The following PTPDC1 variants were observed in gnomAD, a reference collection of about 807,000 sequenced individuals.
PTPDC1 encodes protein tyrosine phosphatase domain containing 1.
In PTPDC1, 53 loss-of-function variants were observed where a neutral mutation model predicts 75.3. The observed-to-expected ratio is 0.70, with a 90% CI of 0.56 to 0.88. The LOEUF is 0.88. Among genes scored for constraint, PTPDC1 ranks in the 40% least tolerant of loss-of-function variants. The pLI, the probability that PTPDC1 is intolerant of heterozygous loss-of-function variation, is 0.00. For synonymous variants in PTPDC1, 349 were observed against 366.2 expected (o/e 0.95, Z 0.54); for missense variants, 925 against 998.6 (o/e 0.93, Z 0.99).
chr9:94,064,557 C>A (rs1826238708), intron 1 of PTPDC1, among the ~76,000 whole-genome samples: 1 of 152,136 alleles, frequency 6.6e-6, no homozygotes, highest in Non-Finnish European at 1.5e-5. Context: ...AAATTTTCAG[C>A]ATCTTGTGTG....
intron 1 of PTPDC1, among the ~76,000 whole-genome samples, chr9:94,063,689 CAAAG>C (rs767349169): frequency 4.6e-5 from 7 of 152,062 alleles, no homozygotes; most frequent in Admixed American, 4.6e-4. Flanking sequence ...TTGAAATTCT[CAAAG>C]AATCACTGAG....
At chr9:94,080,885 A>G (rs1470582710), upstream of PTPDC1, among the ~76,000 whole-genome samples, 1 of 152,156 alleles carries the variant, frequency 6.6e-6, no homozygotes, top group Non-Finnish European at 1.5e-5. Context: ...ATTTTCAAGA[A>G]TATCTTTGTG....
At chr9:94,089,723 C>T (rs1827224664) in intron 4 of PTPDC1, among the ~76,000 whole-genome samples, 5 of 85,090 alleles carry the variant, frequency 5.9e-5, no homozygotes, top group Non-Finnish European at 1.1e-4. Context: ...TATTTCTCCA[C>T]ATCCTCTCCA....
rs143897089 is a variant in PTPDC1, at chr9:94,036,685, T to G, written c.-7+5558T>G. Among the ~76,000 whole-genome samples, 348 of 152,298 alleles carry G rather than the reference T, an allele frequency of 2.3e-3. 2 individuals are homozygous for G. The highest frequency in any genetic ancestry group is 8.0e-3 in the African/African-American group (332 of 41,560). ...TACTTCCTCTCTGTTCTATGTGGGA[T>G]GAGTAAGTATCAATCTCTGGATTAG... On this transcript the variant is annotated intron_variant, in intron 1 of 9. Coordinates refer to the PTPDC1 transcript ENST00000375360.
intron 4 of PTPDC1, among the ~76,000 whole-genome samples, chr9:94,090,314 C>T (rs1227395185): frequency 2.4e-5 from 3 of 122,614 alleles, no homozygotes; most frequent in African/African-American, 9.9e-5. Context: ...CCAGTTTTCC[C>T]ACCACCATTT....
chr9:94,058,564 G>A (rs1337410717), intron 1 of PTPDC1, among the ~76,000 whole-genome samples: 6 of 150,968 alleles, frequency 4.0e-5, no homozygotes, highest in Admixed American at 2.0e-4. Flanking sequence ...AAAATTAACC[G>A]GGTGTAGTGG....
At chr9:94,095,248 T>G in intron 4 of PTPDC1, 69 bp from the exon 5 acceptor site, 1 of 979,154 alleles carries the variant, frequency 1.0e-6, no homozygotes, top group Non-Finnish European at 1.4e-6. Flanking sequence ...TCTGTGTACT[T>G]TTCATTAGTG....
intron 4 of PTPDC1, among the ~76,000 whole-genome samples, chr9:94,090,963 G>T (rs1827292903): frequency 6.6e-6 from 1 of 152,172 alleles, no homozygotes; most frequent in African/African-American, 2.4e-5. Context: ...TTGCCTGTCA[G>T]CTTAAGGAGA....
intron 1 of PTPDC1, among the ~76,000 whole-genome samples, chr9:94,053,004 T>A (rs1205637445): frequency 6.6e-6 from 1 of 152,228 alleles, no homozygotes; most frequent in Non-Finnish European, 1.5e-5. Context: ...ACCAGCTTCA[T>A]CTATAGTTAA....
chr9:94,082,166 C>G (rs1054252917), upstream of PTPDC1, among the ~76,000 whole-genome samples: 1 of 152,218 alleles, frequency 6.6e-6, no homozygotes, highest in Non-Finnish European at 1.5e-5. Flanking sequence ...ATAGTCAGTT[C>G]CCTTGTGAAA....
At chr9:94,046,078 C>G (rs566750934) in intron 1 of PTPDC1, among the ~76,000 whole-genome samples, 5,947 of 152,184 alleles carry the variant, frequency 0.039, 372 homozygotes, top group African/African-American at 0.13. Flanking sequence ...GCCAGTTTTC[C>G]CAGCACCATT....
intron 1 of PTPDC1, among the ~76,000 whole-genome samples, chr9:94,055,578 G>A (rs1825907975): frequency 6.6e-6 from 1 of 152,188 alleles, no homozygotes; most frequent in African/African-American, 2.4e-5. Context: ...ACATTGTCCA[G>A]TGAAAGAAAT....
chr9:94,040,946 C>T (rs1166406168), intron 1 of PTPDC1, among the ~76,000 whole-genome samples: 1 of 152,146 alleles, frequency 6.6e-6, no homozygotes, highest in Non-Finnish European at 1.5e-5. Context: ...TATCAGTGGC[C>T]TACCTGAACA....
At chr9:94,096,703 A>G (rs1827582508) in intron 5 of PTPDC1, among the ~76,000 whole-genome samples, 1 of 152,184 alleles carries the variant, frequency 6.6e-6, no homozygotes. Flanking sequence ...GAATTATATC[A>G]TGGTCTGAAG....
At chr9:94,089,223 TC>T (rs1373092819) in intron 4 of PTPDC1, among the ~76,000 whole-genome samples, 4 of 103,076 alleles carry the variant, frequency 3.9e-5, no homozygotes, top group African/African-American at 1.6e-4. Context: ...ATGCTATCCC[TC>T]CCCCCTCCCC....
intron 7 of PTPDC1, 82 bp from the exon 8 acceptor site, chr9:94,104,193 T>G (rs1827936574): frequency 1.2e-6 from 1 of 855,560 alleles, no homozygotes; most frequent in Admixed American, 2.1e-5. Flanking sequence ...ACAAACCAAT[T>G]CTTGACTCTA....
upstream of PTPDC1, among the ~76,000 whole-genome samples, chr9:94,082,931 A>G (rs2117960659): frequency 6.6e-6 from 1 of 152,272 alleles, no homozygotes; most frequent in Non-Finnish European, 1.5e-5. Flanking sequence ...TTTTTAGTGT[A>G]GTTGAAAGCA....
chr9:94,033,534 C>T (rs952752924), intron 1 of PTPDC1, among the ~76,000 whole-genome samples: 1 of 152,200 alleles, frequency 6.6e-6, no homozygotes, highest in Non-Finnish European at 1.5e-5. Flanking sequence ...GTGACGTCCT[C>T]TCTGATTCTC....
intron 1 of PTPDC1, among the ~76,000 whole-genome samples, chr9:94,058,907 CTT>C (rs1826040919): frequency 1.3e-5 from 2 of 151,190 alleles, no homozygotes; most frequent in Non-Finnish European, 2.9e-5. Flanking sequence ...AGCAGAATCA[CTT>C]GAACCCAGGA....
Sources: gnomAD v4.1 joint callset for allele counts (sites outside exome capture counted in the v4.1 genomes callset) on GRCh38, gnomAD v4.1.1 for gene constraint, MANE v1.5 for transcripts, NCBI Gene and HGNC (gene_info 2026-07-23, HGNC 2026-07-21) for gene names.